Variants in NUDT17 observed in about 807,000 individuals in gnomAD.
The protein encoded by NUDT17 is m7GpppN-mRNA hydrolase NUDT17.
Under a neutral mutation model 38.6 loss-of-function variants are expected in NUDT17, and 38 were observed. That is an observed-to-expected ratio of 0.98 (90% CI 0.76 to 1.29). The LOEUF (loss-of-function observed/expected upper bound fraction) is 1.29, where lower values mean the gene tolerates loss of function less well. NUDT17 is among the 50% of genes most tolerant of loss of function. The probability of loss-of-function intolerance (pLI) is 0.00; values close to 1 mark genes in which losing one functional copy is unlikely to be tolerated. For synonymous variants in NUDT17, 192 were observed against 167.8 expected (o/e 1.14, Z -1.11); for missense variants, 462 against 415.2 (o/e 1.11, Z -0.98).
rs1553732165 is a variant in NUDT17, at chr1:145,845,817, T to G, written c.177T>G (p.Ala59=). ...LSSRPFPGAS[A]RLPLQRPPFC... ...GCAGGCCCTTCCCAGGCGCCTCCGC[T>G]AGGCTTCCGCTCCAGGTCGGCAGAA... Residue 59 remains alanine, a synonymous_variant, in exon 1 of 8, where the codon GCT becomes GCG. Transcript: ENST00000334513. The G allele has an allele frequency of 6.3e-7, 1 of 1,596,410 alleles. No homozygotes were observed. Among genetic ancestry groups the G allele is most frequent in the East Asian group, 2.3e-5 (1 of 44,198 alleles).
Position 145,848,531 on chromosome 1 carries a change from C to T in NUDT17, c.*52C>T. 2 of 1,248,714 alleles carry T rather than the reference C, an allele frequency of 1.6e-6. No individual in the cohort carries two copies. Among genetic ancestry groups the T allele is most frequent in the African/African-American group, 1.5e-5 (1 of 67,294 alleles). 77.4% of individuals were successfully genotyped at this position (1,248,714 alleles called of 1,614,324 possible). On this transcript the variant is annotated 3_prime_UTR_variant, in exon 8 of 8. Coordinates refer to ENST00000334513, the MANE Select transcript of NUDT17 (RefSeq NM_001012758.3). ...CTCCATGACACTCACAGAACATTCA[C>T]AACCTTTATTATGGGTGAGAGCTTC...
rs782538061 is a variant in NUDT17, at chr1:145,846,257, AAT to A, written c.376+62_376+63del. On this transcript the variant is annotated intron_variant, in intron 2 of 7. Coordinates refer to ENST00000334513, the MANE Select transcript of NUDT17 (RefSeq NM_001012758.3). ...AAGAAATTTGCCCTTTCCCCGCAAC[AAT>A]GTTTTTCCCAGTCTCAGAAGGATAA... The A allele has an allele frequency of 4.9e-5, 74 of 1,523,490 alleles. No individual in the cohort carries two copies. The Middle Eastern group carries it at 1.7e-3, about 35-fold the overall frequency. 94.4% of individuals were successfully genotyped at this position (1,523,490 alleles called of 1,614,324 possible).
In NUDT17 at chr1:145,845,749, C is replaced by G; in HGVS notation, c.109C>G (p.Pro37Ala). The G allele has an allele frequency of 6.4e-7, 1 of 1,573,434 alleles. No individual in the cohort carries two copies. ...AGCCGGACCAGGGCTCGGGACGTGG[C>G]CCATTCACTGCAGCTTGAAGCGAGG... ...LGAGPGLGTWPIHCSLKRGRL... is the reference protein window; with the variant it reads ...LGAGPGLGTWAIHCSLKRGRL... The change falls in exon 1 of 8, where the codon CCC becomes GCC. Residue 37 changes from proline to alanine, a missense_variant. Pro to Ala is a conservative substitution (Grantham distance 27, BLOSUM62 -1). Coordinates refer to ENST00000334513, the MANE Select transcript of NUDT17 (RefSeq NM_001012758.3).
At chr1:145,848,293 C>T in intron 7 of NUDT17, 29 bp downstream of exon 7, 1 of 1,613,830 alleles carries the variant, frequency 6.2e-7, no homozygotes, top group Non-Finnish European at 8.5e-7. Context: ...TGGAGAGCTC[C>T]ACAGTACTGG....
In NUDT17 at chr1:145,846,009, C is replaced by T. The variant is rs1553732290; in HGVS notation, c.193-4C>T. The T allele has an allele frequency of 1.3e-6, 2 of 1,595,784 alleles. No homozygotes were observed. The highest frequency in any genetic ancestry group is 1.8e-5 in the Admixed American group (1 of 56,124). ...CCTTAACCCAGCTGGCTTCCTTCTG[C>T]CAGCGACCCCCTTTCTGCCCTTTTG... On this transcript the variant is annotated splice_region_variant and splice_polypyrimidine_tract_variant and intron_variant, in intron 1 of 7. Transcript: ENST00000334513.
Position 145,848,222 on chromosome 1 carries a change from G to A in NUDT17, c.842G>A (p.Gly281Glu), listed in dbSNP as rs61816166. Residue 281 changes from glycine (G) to glutamate (E), a missense_variant, in exon 7 of 8, where the codon GGA (glycine) becomes GAA (glutamate). Coordinates refer to ENST00000334513, the MANE Select transcript of NUDT17 (RefSeq NM_001012758.3). ...GAGGACAAAGAGAGAGTCAGCACTG[G>A]AACCAAGTTTGCCCTCAAGCTCTGG... ...MAEDKERVSTGTKFALKLWLQ... is the reference protein window; with the variant it reads ...MAEDKERVSTETKFALKLWLQ... 1.2e-6 allele frequency: 2 copies of A among 1,614,086 alleles called. No individual in the cohort carries two copies. Among genetic ancestry groups the A allele is most frequent in the Admixed American group, 3.3e-5 (2 of 60,002 alleles).
chr1:145,846,719 C>A, intron 4 of NUDT17, 29 bp downstream of exon 4: 1 of 1,464,536 alleles, frequency 6.8e-7, no homozygotes, highest in South Asian at 1.1e-5. Context: ...AGAAGCTCCT[C>A]CATAGATCAG....
chr1:145,845,906 C>T (rs1652629254), intron 1 of NUDT17, 74 bp downstream of exon 1: 1 of 1,523,444 alleles, frequency 6.6e-7, no homozygotes, highest in Non-Finnish European at 8.9e-7. Flanking sequence ...TGGGAACTGG[C>T]GGCGAGGACC....
chr1:145,848,593 T>C lies in NUDT17; in HGVS notation c.*114T>C. ...AGAAATAAAAAGTAAAATTACAACA[T>C]AGGTCCTAGGCCTTGGCGAGCCTGA... On this transcript the variant is annotated 3_prime_UTR_variant, in exon 8 of 8. Transcript: ENST00000334513. 1 of 780,830 alleles carries C rather than the reference T, an allele frequency of 1.3e-6. No individual in the cohort carries two copies. Among genetic ancestry groups the C allele is most frequent in the African/African-American group, 1.7e-5 (1 of 57,832 alleles). The allele number at this position is 780,830 out of a possible 1,614,324, so 48.4% of individuals were successfully genotyped here.
rs782487599 is a variant in NUDT17, at chr1:145,845,844, G to A, written c.192+12G>A. On this transcript the variant is annotated intron_variant, in intron 1 of 7. Coordinates refer to ENST00000334513, the MANE Select transcript of NUDT17 (RefSeq NM_001012758.3). ...GGCTTCCGCTCCAGGTCGGCAGAAG[G>A]GGGCCCCAGAGCGGGGGCAGTGAAG... 1.1e-5 allele frequency: 18 copies of A among 1,581,408 alleles called. No homozygotes were observed. The highest frequency in any genetic ancestry group is 1.8e-5 in the Admixed American group (1 of 55,240).
Position 145,848,462 on chromosome 1 carries a change from C to T in NUDT17, c.970C>T (p.Gln324Ter). Residue 324 changes from glutamine to a stop codon, truncating the protein, a stop_gained, in exon 8 of 8, where the codon CAG (glutamine) becomes TAG (stop). Coordinates refer to ENST00000334513, the MANE Select transcript of NUDT17 (RefSeq NM_001012758.3). LOFTEE classifies it high-confidence loss of function. The stretch of plus-strand genomic sequence containing the variant: ...GAACATGGACCCTCTTCCCCCAAAC[C>T]AGGGGTCTGGAAAGTGAAGTGTAAA... ...EWNMDPLPPNQGSGK is the reference protein window; with the variant it reads ...EWNMDPLPPN The T allele has an allele frequency of 6.2e-7, 1 of 1,613,504 alleles. No individual in the cohort carries two copies. The highest frequency in any genetic ancestry group is 8.5e-7 in the Non-Finnish European group (1 of 1,179,426).
Position 145,845,661 on chromosome 1 carries a change from G to C in NUDT17, c.21G>C (p.Gln7His). 2 of 1,529,022 alleles carry C rather than the reference G, an allele frequency of 1.3e-6. No homozygotes were observed. Among genetic ancestry groups the C allele is most frequent in the Admixed American group, 2.0e-5 (1 of 50,086 alleles). 94.7% of individuals were successfully genotyped at this position (1,529,022 alleles called of 1,614,324 possible). The stretch of plus-strand genomic sequence containing the variant: ...GCGTTATGGCCGAGGTGCGGGTGCA[G>C]CTGCTCCTGTCCCGGCGTCCGGAGT... MAEVRV[Q>H]LLLSRRPESV... The change falls in exon 1 of 8, where the codon CAG (glutamine) becomes CAC (histidine). Residue 7 changes from glutamine (Q) to histidine (H), a missense_variant. By Grantham distance (24) the Gln-to-His change is conservative. Coordinates refer to ENST00000334513, the MANE Select transcript of NUDT17 (RefSeq NM_001012758.3).
At chr1:145,845,862 C>T (rs1348997090) in intron 1 of NUDT17, 30 bp downstream of exon 1, 2 of 1,554,854 alleles carry the variant, frequency 1.3e-6, no homozygotes, top group East Asian at 4.7e-5. Context: ...AGAGCGGGGG[C>T]AGTGAAGGGC....
Position 145,848,382 on chromosome 1 carries a change from C to T in NUDT17, c.890C>T (p.Pro297Leu), listed in dbSNP as rs781854978. The T allele has an allele frequency of 6.2e-7, 1 of 1,613,370 alleles. No homozygotes were observed. Among genetic ancestry groups the T allele is most frequent in the Non-Finnish European group, 8.5e-7 (1 of 1,179,556 alleles). ...KLWLQHLGRT[P>L]PPCKSAAYLD... ...CTCTTGGAATTCCTCCACAGAACAC[C>T]CCCACCGTGTAAAAGTGCAGCTTAC... The change falls in exon 8 of 8, where the codon CCC becomes CTC. Residue 297 changes from proline to leucine, a missense_variant. Transcript: ENST00000334513.
At position 145,847,316 on chromosome 1, in the gene NUDT17, G is replaced by T. The variant is rs375787974; in HGVS notation, c.562G>T (p.Val188Leu). The T allele has an allele frequency of 6.2e-7, 1 of 1,611,126 alleles. No homozygotes were observed. The highest frequency in any genetic ancestry group is 1.3e-5 in the African/African-American group (1 of 74,704). The change falls in exon 5 of 8, where the codon GTG becomes TTG. Residue 188 changes from valine to leucine, a missense_variant. Physicochemically the swap from Val to Leu is conservative, Grantham distance 32. Coordinates refer to ENST00000334513, the MANE Select transcript of NUDT17 (RefSeq NM_001012758.3). ...CCATCACATTGTTCTGTATCTACTC[G>T]TGATCTCCCAGGAATCACAGCAGCA... Reference protein sequence around the residue: ...KYHHIVLYLLVISQESQQQLQ... With the variant: ...KYHHIVLYLLLISQESQQQLQ...
rs373156858 is a variant in NUDT17, at chr1:145,848,520, C to T, written c.*41C>T. ...CCCTAGCCCATCTCCATGACACTCACAGAACATTCACAACCTTTATTATGG... is the reference window on the plus strand; with the variant it reads ...CCCTAGCCCATCTCCATGACACTCATAGAACATTCACAACCTTTATTATGG... On this transcript the variant is annotated 3_prime_UTR_variant, in exon 8 of 8. Coordinates refer to ENST00000334513, the MANE Select transcript of NUDT17 (RefSeq NM_001012758.3). 311 of 1,339,876 alleles carry T rather than the reference C, an allele frequency of 2.3e-4. 2 individuals carry two copies. In the South Asian group the frequency reaches 3.5e-3, roughly 15 times the overall value. 83.0% of individuals were successfully genotyped at this position (1,339,876 alleles called of 1,614,324 possible).
chr1:145,847,400 C>A, intron 5 of NUDT17, 52 bp downstream of exon 5: 3 of 1,070,286 alleles, frequency 2.8e-6, no homozygotes, highest in South Asian at 2.6e-5. Context: ...CCCAAGCAAC[C>A]TGGTTCTGAC....
chr1:145,846,259 T>A (rs782706297), intron 2 of NUDT17, 63 bp downstream of exon 2: 2 of 1,520,160 alleles, frequency 1.3e-6, no homozygotes, highest in Non-Finnish European at 9.0e-7. Context: ...CCCGCAACAA[T>A]GTTTTTCCCA....
intron 4 of NUDT17, among the ~76,000 whole-genome samples, chr1:145,847,004 C>G (rs1652727341): frequency 6.6e-6 from 1 of 152,190 alleles, no homozygotes; most frequent in Non-Finnish European, 1.5e-5. Flanking sequence ...CCAGCCTGGA[C>G]AACATGGCGA....
Sources: allele counts gnomAD v4.1 joint callset (sites outside exome capture counted in the v4.1 genomes callset), GRCh38; gene constraint gnomAD v4.1.1; transcripts MANE v1.5; gene names NCBI Gene and HGNC (gene_info 2026-07-23, HGNC 2026-07-21).